Variants in RFC3 observed in about 807,000 individuals in gnomAD.
RFC3 encodes A1 38 kDa subunit.
Under a neutral mutation model 45.1 loss-of-function variants are expected in RFC3, and 41 were observed. That is an observed-to-expected ratio of 0.91 (90% confidence interval 0.71 to 1.18). RFC3 has a LOEUF of 1.18. Among genes scored for constraint, RFC3 ranks in the 50% most tolerant of loss-of-function variants. The probability of loss-of-function intolerance (pLI) is 0.00; values close to 1 mark genes in which losing one functional copy is unlikely to be tolerated. For synonymous variants in RFC3, 149 were observed against 144.0 expected, an observed-to-expected ratio of 1.03 and a Z score of -0.25; for missense variants, 423 against 428.1, an observed-to-expected ratio of 0.99 and a Z score of 0.10.
At chr13:33,883,633 C>T (rs1359262113) in intron 8 of RFC3, among the ~76,000 whole-genome samples, 1 of 152,074 alleles carries the variant, frequency 6.6e-6, no homozygotes, top group Non-Finnish European at 1.5e-5. Flanking sequence ...GAGATATTAC[C>T]ATTGGGAGAA....
chr13:33,875,930 G>A (rs2082443391), intron 8 of RFC3, among the ~76,000 whole-genome samples: 1 of 152,200 alleles, frequency 6.6e-6, no homozygotes, highest in Non-Finnish European at 1.5e-5. Context: ...AGAGGGTTTT[G>A]TGAAACAACT....
intron 8 of RFC3, among the ~76,000 whole-genome samples, chr13:33,933,515 A>G (rs1280635235): frequency 6.6e-6 from 1 of 152,178 alleles, no homozygotes; most frequent in Non-Finnish European, 1.5e-5. Flanking sequence ...TTAGGTGAAT[A>G]TAATTGTTAC....
intron 8 of RFC3, among the ~76,000 whole-genome samples, chr13:33,930,573 A>T (rs1191109791): frequency 6.6e-6 from 1 of 152,082 alleles, no homozygotes; most frequent in Non-Finnish European, 1.5e-5. Context: ...CACTGACTCA[A>T]ATGTTAATCT....
At chr13:33,898,424 A>C (rs527278558) in intron 8 of RFC3, among the ~76,000 whole-genome samples, 1 of 152,148 alleles carries the variant, frequency 6.6e-6, no homozygotes, top group East Asian at 1.9e-4. Context: ...TCAATAAAGA[A>C]ATTAAGAAGG....
Position 33,831,355 on chromosome 13 carries a change from G to A in RFC3, c.809+1G>A. ...TTGTCAGTCAGCAAACTCCACAAAGGTACCAGTATAAAATGATGACAGTAA... is the reference window on the plus strand; with the variant it reads ...TTGTCAGTCAGCAAACTCCACAAAGATACCAGTATAAAATGATGACAGTAA... On this transcript the variant is annotated splice_donor_variant, in intron 7 of 8. Coordinates refer to ENST00000380071, the MANE Select transcript of RFC3 (RefSeq NM_002915.4). LOFTEE classifies it high-confidence loss of function. The A allele has an allele frequency of 6.5e-7, 1 of 1,536,146 alleles. No individual in the cohort carries two copies. The highest frequency in any genetic ancestry group is 9.0e-7 in the Non-Finnish European group (1 of 1,109,166).
the RFC3 span, among the ~76,000 whole-genome samples, chr13:33,971,743 G>T: frequency 6.6e-6 from 1 of 152,132 alleles, no homozygotes; most frequent in Admixed American, 6.5e-5. Flanking sequence ...CTAATATTTT[G>T]CAATTATAAG....
At chr13:33,821,066 G>A (rs1257893254) in intron 1 of RFC3, 66 bp from the exon 2 acceptor site, 11 of 1,491,454 alleles carry the variant, frequency 7.4e-6, no homozygotes, top group Admixed American at 2.0e-5. Flanking sequence ...TACTTAAAAA[G>A]TAGTTTGGTT....
At chr13:33,937,697 G>T (rs899525960) in intron 8 of RFC3, among the ~76,000 whole-genome samples, 16 of 152,168 alleles carry the variant, frequency 1.1e-4, no homozygotes, top group African/African-American at 3.9e-4. Flanking sequence ...TTTTGAAAAG[G>T]TGTAGCCGGA....
At chr13:33,889,626 C>T (rs2082551169) in intron 8 of RFC3, among the ~76,000 whole-genome samples, 1 of 152,154 alleles carries the variant, frequency 6.6e-6, no homozygotes, top group African/African-American at 2.4e-5. Flanking sequence ...GCTATAATCA[C>T]CATACTATGT....
intron 8 of RFC3, among the ~76,000 whole-genome samples, chr13:33,843,288 C>G (rs987770634): frequency 4.0e-5 from 6 of 151,504 alleles, no homozygotes; most frequent in Admixed American, 3.9e-4. Flanking sequence ...TTATAGTGTA[C>G]AAGATTTACA....
intron 4 of RFC3, 127 bp from the exon 5 acceptor site, chr13:33,829,709 A>G (rs2082083340): frequency 1.4e-6 from 1 of 723,682 alleles, no homozygotes; most frequent in Non-Finnish European, 2.4e-6. Flanking sequence ...TATCTTTGCC[A>G]ATGGGAAGAG....
intron 8 of RFC3, among the ~76,000 whole-genome samples, chr13:33,870,487 T>A (rs921639107): frequency 6.6e-6 from 1 of 152,160 alleles, no homozygotes; most frequent in African/African-American, 2.4e-5. Flanking sequence ...AACAGAAAGG[T>A]TGAGAAGGCA....
intron 8 of RFC3, among the ~76,000 whole-genome samples, chr13:33,902,775 G>A (rs114003716): frequency 2.6e-5 from 4 of 151,926 alleles, no homozygotes; most frequent in Non-Finnish European, 4.4e-5. Flanking sequence ...ACCACCAGAG[G>A]AAGTTTTAAA....
intron 8 of RFC3, among the ~76,000 whole-genome samples, chr13:33,869,442 A>G (rs2082393975): frequency 1.3e-5 from 2 of 152,018 alleles, no homozygotes; most frequent in Non-Finnish European, 2.9e-5. Flanking sequence ...TGTTTACTCA[A>G]CTGCTTTTTT....
intron 8 of RFC3, among the ~76,000 whole-genome samples, chr13:33,928,392 T>C (rs1181939079): frequency 6.6e-6 from 1 of 152,108 alleles, no homozygotes; most frequent in East Asian, 1.9e-4. Flanking sequence ...AATTTTCCAA[T>C]CAAGTTGTAT....
chr13:33,905,509 A>C (rs1194298841), intron 8 of RFC3, among the ~76,000 whole-genome samples: 1 of 152,038 alleles, frequency 6.6e-6, no homozygotes, highest in Non-Finnish European at 1.5e-5. Flanking sequence ...ATAAAAATCT[A>C]AATGGCAAGA....
intron 8 of RFC3, among the ~76,000 whole-genome samples, chr13:33,924,186 C>G (rs1008731034): frequency 2.0e-5 from 3 of 149,644 alleles, no homozygotes; most frequent in Admixed American, 6.6e-5. Flanking sequence ...CTTTAAAAGA[C>G]AAGTGTAGAT....
At chr13:33,931,487 A>G (rs1285687251) in intron 8 of RFC3, among the ~76,000 whole-genome samples, 1 of 152,092 alleles carries the variant, frequency 6.6e-6, no homozygotes, top group Non-Finnish European at 1.5e-5. Flanking sequence ...ACAAGATATT[A>G]CCTTTTTCCA....
chr13:33,847,511 A>G (rs2082246815), intron 8 of RFC3: 1 of 151,810 alleles, frequency 6.6e-6, no homozygotes, highest in Non-Finnish European at 1.5e-5. Flanking sequence ...GTTGTTATCT[A>G]CTGTAAGATT....
Sources: allele counts gnomAD v4.1 joint callset (sites outside exome capture counted in the v4.1 genomes callset), GRCh38; gene constraint gnomAD v4.1.1; transcripts MANE v1.5; gene names NCBI Gene and HGNC (gene_info 2026-07-23, HGNC 2026-07-21).